Variants in TBC1D19 observed in about 807,000 individuals in gnomAD.
The protein encoded by TBC1D19 is TBC1 domain family, member 19.
A neutral mutation model predicts 89.0 loss-of-function variants in TBC1D19; 60 were observed. The ratio of observed to expected loss-of-function variants is 0.67; its 90% confidence interval spans 0.55 to 0.84. TBC1D19 has a LOEUF of 0.84. Ranked by LOEUF, TBC1D19 falls within the 40% of genes least tolerant of loss-of-function variation. The pLI is 0.00. For missense variants in TBC1D19, 500 were observed against 610.8 expected (o/e 0.82, Z 1.91); for synonymous variants, 189 against 199.7 (o/e 0.95, Z 0.45).
the TBC1D19 span, among the ~76,000 whole-genome samples, chr4:26,844,382 C>G: frequency 6.6e-6 from 1 of 152,186 alleles, no homozygotes. Flanking sequence ...CTTTTCATTT[C>G]TCTTGAATAT....
intron 15 of TBC1D19, among the ~76,000 whole-genome samples, chr4:26,724,000 A>C (rs540580314): frequency 1.3e-5 from 2 of 152,256 alleles, no homozygotes; most frequent in Non-Finnish European, 2.9e-5. Context: ...TAGTCAGGAA[A>C]GGTGCCTCTG....
intron 15 of TBC1D19, among the ~76,000 whole-genome samples, chr4:26,729,768 A>G (rs1430161136): frequency 6.6e-6 from 1 of 152,198 alleles, no homozygotes; most frequent in Non-Finnish European, 1.5e-5. Flanking sequence ...AAGGTCTTGA[A>G]TTTTACTGTG....
chr4:26,849,460 C>A, the TBC1D19 span, among the ~76,000 whole-genome samples: 2,950 of 152,254 alleles, frequency 0.019, 108 homozygotes, highest in African/African-American at 0.068. Flanking sequence ...GTCATCTCAA[C>A]TGTTATTTCC....
intron 4 of TBC1D19, among the ~76,000 whole-genome samples, chr4:26,635,843 TA>T (rs1319356557): frequency 1.3e-5 from 2 of 152,090 alleles, no homozygotes; most frequent in African/African-American, 4.8e-5. Context: ...AGCTGATACC[TA>T]AAAGGTGAAT....
At chr4:26,829,971 C>T in the TBC1D19 span, among the ~76,000 whole-genome samples, 1 of 152,138 alleles carries the variant, frequency 6.6e-6, no homozygotes, top group Admixed American at 6.5e-5. Flanking sequence ...GGCTTCTGCA[C>T]CCCTTCCATG....
chr4:26,795,565 A>T, the TBC1D19 span, among the ~76,000 whole-genome samples: 1 of 152,134 alleles, frequency 6.6e-6, no homozygotes, highest in African/African-American at 2.4e-5. Flanking sequence ...TGATTACAGG[A>T]TGATTGGTGC....
the TBC1D19 span, among the ~76,000 whole-genome samples, chr4:26,810,247 C>T: frequency 6.6e-6 from 1 of 152,170 alleles, no homozygotes; most frequent in Non-Finnish European, 1.5e-5. Context: ...GACCCATTTC[C>T]CCTCACTCCC....
intron 1 of TBC1D19, among the ~76,000 whole-genome samples, chr4:26,610,771 C>T (rs540943773): frequency 3.3e-5 from 5 of 151,996 alleles, no homozygotes; most frequent in South Asian, 2.1e-4. Context: ...TGTTGCTAGA[C>T]GTGATCTCGT....
chr4:26,798,580 A>T, the TBC1D19 span, among the ~76,000 whole-genome samples: 1 of 152,108 alleles, frequency 6.6e-6, no homozygotes, highest in Non-Finnish European at 1.5e-5. Flanking sequence ...ACACATTATA[A>T]AAAAGTCACC....
the TBC1D19 span, among the ~76,000 whole-genome samples, chr4:26,805,909 TGCAGTGAGCCGAGATC>T: frequency 2.0e-5 from 3 of 151,936 alleles, no homozygotes; most frequent in South Asian, 6.2e-4. Flanking sequence ...TGGTTGAGGT[TGCAGTGAGCCGAGATC>T]GCACTATTGC....
chr4:26,850,434 G>C, the TBC1D19 span, among the ~76,000 whole-genome samples: 1 of 151,012 alleles, frequency 6.6e-6, no homozygotes, highest in Non-Finnish European at 1.5e-5. Context: ...TGTAGTCCCG[G>C]CTACTTGGGA....
intron 4 of TBC1D19, among the ~76,000 whole-genome samples, chr4:26,633,434 T>A (rs1167079901): frequency 6.6e-6 from 1 of 152,108 alleles, no homozygotes. Flanking sequence ...AGTCCTTTAC[T>A]GACAAGGTAC....
intron 17 of TBC1D19, among the ~76,000 whole-genome samples, chr4:26,741,378 A>AG (rs1329540916): frequency 6.6e-5 from 10 of 151,536 alleles, no homozygotes; most frequent in Non-Finnish European, 1.2e-4. Flanking sequence ...AAAAAAAAAA[A>AG]AAAAAAAAGA....
chr4:26,659,588 T>C lies in TBC1D19; in HGVS notation c.481-9T>C. The C allele has an allele frequency of 1.3e-6, 2 of 1,557,976 alleles. No homozygotes were observed. Among genetic ancestry groups the C allele is most frequent in the South Asian group, 2.3e-5 (2 of 85,328 alleles). On this transcript the variant is annotated splice_polypyrimidine_tract_variant and intron_variant, in intron 7 of 20. Transcript: ENST00000264866. ...AAACTAACCAATTTTGTTGGATTTG[T>C]TTTTAAAGGTATTAATTAATCTTCG...
chr4:26,658,500 T>C (rs1267429707), intron 7 of TBC1D19, among the ~76,000 whole-genome samples: 1 of 152,202 alleles, frequency 6.6e-6, no homozygotes, highest in Non-Finnish European at 1.5e-5. Flanking sequence ...CCTTGTAGTA[T>C]AGTTTGAAGT....
intron 1 of TBC1D19, among the ~76,000 whole-genome samples, chr4:26,587,576 C>T (rs1355786755): frequency 8.4e-6 from 1 of 119,016 alleles, no homozygotes. Context: ...GACCTTGTCT[C>T]AAAAAAAAAA....
intron 1 of TBC1D19, among the ~76,000 whole-genome samples, chr4:26,585,648 ATC>A (rs776810590): frequency 1.9e-4 from 29 of 150,718 alleles, no homozygotes; most frequent in Non-Finnish European, 3.3e-4. Flanking sequence ...CAGTGGTGTG[ATC>A]TCGGCTCACT....
At chr4:26,816,380 T>C in the TBC1D19 span, among the ~76,000 whole-genome samples, 1 of 152,166 alleles carries the variant, frequency 6.6e-6, no homozygotes, top group Non-Finnish European at 1.5e-5. Context: ...TAACCCATTG[T>C]AAAAATAACT....
chr4:26,703,013 C>T (rs750853450), intron 13 of TBC1D19, among the ~76,000 whole-genome samples: 1 of 152,144 alleles, frequency 6.6e-6, no homozygotes, highest in Non-Finnish European at 1.5e-5. Flanking sequence ...GATCATGTGG[C>T]CTCATGTAAC....
Sources: allele counts gnomAD v4.1 joint callset (sites outside exome capture counted in the v4.1 genomes callset), GRCh38; gene constraint gnomAD v4.1.1; transcripts MANE v1.5; gene names NCBI Gene and HGNC (gene_info 2026-07-23, HGNC 2026-07-21).